DZIP3: variants seen among roughly 807,000 people sequenced by gnomAD.
The protein encoded by DZIP3 is E3 ubiquitin-protein ligase DZIP3.
Under a neutral mutation model 162.0 loss-of-function variants are expected in DZIP3, and 118 were observed. The ratio of observed to expected loss-of-function variants is 0.73; its 90% CI spans 0.63 to 0.85. The LOEUF is 0.85. Among genes scored for constraint, DZIP3 ranks in the 40% least tolerant of loss-of-function variants. DZIP3 has a pLI of 0.00. For missense variants in DZIP3, 1,331 were observed against 1,407.0 expected, an observed-to-expected ratio of 0.95 and a Z score of 0.86; for synonymous variants, 438 against 458.6, an observed-to-expected ratio of 0.96 and a Z score of 0.57.
chr3:108,605,245 G>C (rs1940271487), intron 1 of DZIP3, 90 bp from the exon 2 acceptor site: 1 of 964,084 alleles, frequency 1.0e-6, no homozygotes. Context: ...AGCAGTTTCA[G>C]ATTTTCTTCA....
rs761929070 is a variant in DZIP3 at position 108,661,934 on chromosome 3, C to T, written c.2257C>T (p.Arg753Cys). 9.9e-6 allele frequency: 16 copies of T among 1,613,760 alleles called. No homozygotes were observed. The Admixed American group carries it at 1.7e-4, about 17-fold the overall frequency. The change falls in exon 20 of 33, where the codon CGT becomes TGT. Residue 753 changes from arginine (R) to cysteine (C), a missense_variant. Arg to Cys is a radical substitution (Grantham distance 180, BLOSUM62 -3). Around this residue, in one of 2 missense-constraint regions of DZIP3, gnomAD observed 1,278 missense variants for 1,317.1 expected, o/e 0.97. Coordinates refer to ENST00000361582, the MANE Select transcript of DZIP3 (RefSeq NM_014648.4). ...YGETEKERLA[R>C]QRQLYKLHYQ... Reference sequence around the variant, plus strand: ...AGAAACTGAAAAGGAAAGGCTTGCTCGTCAAAGGCAGCTTTATAAATTGCA... The same window carrying T: ...AGAAACTGAAAAGGAAAGGCTTGCTTGTCAAAGGCAGCTTTATAAATTGCA...
intron 24 of DZIP3, among the ~76,000 whole-genome samples, chr3:108,675,370 A>G (rs984518279): frequency 2.0e-5 from 3 of 152,048 alleles, no homozygotes; most frequent in African/African-American, 7.2e-5. Flanking sequence ...TAGGCCAACC[A>G]TGGCTTTTTG....
chr3:108,653,252 CA>C (rs1053359071), intron 18 of DZIP3, among the ~76,000 whole-genome samples: 62 of 151,658 alleles, frequency 4.1e-4, no homozygotes, highest in African/African-American at 1.4e-3. Flanking sequence ...AATTATTCCA[CA>C]AGCATTAATT....
intron 4 of DZIP3, among the ~76,000 whole-genome samples, chr3:108,612,767 T>G (rs1316116277): frequency 1.3e-5 from 2 of 152,162 alleles, no homozygotes; most frequent in Non-Finnish European, 2.9e-5. Flanking sequence ...TTAAAATTAT[T>G]GTATTCTTTC....
At position 108,669,729 on chromosome 3, in the gene DZIP3, A is replaced by G. The variant is rs1943852418; in HGVS notation, c.2472A>G (p.Lys824=). The G allele has an allele frequency of 6.2e-7, 1 of 1,611,336 alleles. No individual in the cohort carries two copies. The highest frequency in any genetic ancestry group is 1.3e-5 in the African/African-American group (1 of 74,900). The part of the protein sequence containing the change: ...HAKDNEIKNL[K]EQLSMKRSQW... ...AAGATAATGAAATCAAGAACCTTAA[A>G]GAGCAACTTTCTATGAAAAGGTACA... The change falls in exon 22 of 33, where the codon AAA becomes AAG. Residue 824 remains lysine, a synonymous_variant. Transcript: ENST00000361582.
chr3:108,597,528 T>A (rs754331851), intron 1 of DZIP3, among the ~76,000 whole-genome samples: 3 of 152,214 alleles, frequency 2.0e-5, no homozygotes, highest in Non-Finnish European at 4.4e-5. Context: ...TTACTATTTC[T>A]TGAAGACCTA....
rs1455006753 is a variant in DZIP3 at position 108,636,602 on chromosome 3, A to G, written c.919-14A>G. ...TTTTTTTCTATTTTTATTTTTTTCT[A>G]TTAATAAATTTAGAGTTTTAGTGGG... On this transcript the variant is annotated splice_polypyrimidine_tract_variant and intron_variant, in intron 10 of 32. Transcript: ENST00000361582. The G allele has an allele frequency of 3.3e-6, 5 of 1,493,088 alleles. No individual in the cohort carries two copies. The highest frequency in any genetic ancestry group is 4.8e-5 in the Admixed American group (2 of 42,096). The allele number at this position is 1,493,088 out of a possible 1,614,324, so 92.5% of individuals were successfully genotyped here. A position where few individuals can be genotyped will look rare whatever the true frequency, so the allele number is the denominator to read the frequency against.
chr3:108,613,457 A>G (rs1940833368), intron 4 of DZIP3, among the ~76,000 whole-genome samples: 2 of 152,220 alleles, frequency 1.3e-5, no homozygotes, highest in Admixed American at 1.3e-4. Flanking sequence ...TCTAGAAAAT[A>G]GAAGATAAGT....
At chr3:108,673,503 T>C (rs1182644086) in intron 23 of DZIP3, among the ~76,000 whole-genome samples, 1 of 152,006 alleles carries the variant, frequency 6.6e-6, no homozygotes, top group Non-Finnish European at 1.5e-5. Context: ...TCCAACAGTG[T>C]ATTTTAGTGA....
intron 28 of DZIP3, 30 bp from the exon 29 acceptor site, chr3:108,687,946 C>T: frequency 6.2e-7 from 1 of 1,612,762 alleles, no homozygotes; most frequent in Non-Finnish European, 8.5e-7. Context: ...AAAATCATTA[C>T]TGCCCTTTCC....
chr3:108,597,927 T>TTG (rs1939794564), intron 1 of DZIP3, among the ~76,000 whole-genome samples: 1 of 152,184 alleles, frequency 6.6e-6, no homozygotes, highest in South Asian at 2.1e-4. Flanking sequence ...TTAAAAATCT[T>TTG]TAACTTTGAG....
rs1328493598 is a variant in DZIP3 at position 108,611,288 on chromosome 3, A to G, written c.217A>G (p.Lys73Glu). 1.9e-6 allele frequency: 3 copies of G among 1,611,778 alleles called. No individual in the cohort carries two copies. In the African/African-American group the frequency reaches 4.0e-5, roughly 22 times the overall value. Residue 73 changes from lysine (K) to glutamate (E), a missense_variant, in exon 4 of 33, where the codon AAG becomes GAG. Lys to Glu is a moderately conservative substitution (Grantham distance 56). Around this residue, in one of 2 missense-constraint regions of DZIP3, gnomAD observed 1,278 missense variants for 1,317.1 expected, o/e 0.97. Coordinates refer to ENST00000361582, the MANE Select transcript of DZIP3 (RefSeq NM_014648.4). ...ACCAAAAGGTGTGGTTCCTCACATT[A>G]AGAAGTTCTTACAAGAAGATTTTTC... is the stretch of plus-strand genomic sequence containing the variant. ...TLPKGVVPHI[K>E]KFLQEDFSFQ... is the part of the protein sequence containing the mutation.
intron 24 of DZIP3, 146 bp downstream of exon 24, chr3:108,674,327 A>T: frequency 3.4e-5 from 21 of 620,678 alleles, no homozygotes; most frequent in East Asian, 1.2e-4. Flanking sequence ...GTTTTTTTTC[A>T]TTTTTTTCCC....
chr3:108,650,624 G>C (rs1942820958), intron 17 of DZIP3, among the ~76,000 whole-genome samples: 1 of 151,164 alleles, frequency 6.6e-6, no homozygotes. Context: ...TTCAAATTGT[G>C]ATCTTCTTAA....
At chr3:108,686,005 A>T (rs1259759839) in intron 27 of DZIP3, among the ~76,000 whole-genome samples, 1 of 152,144 alleles carries the variant, frequency 6.6e-6, no homozygotes, top group Non-Finnish European at 1.5e-5. Flanking sequence ...TATTTTTAAA[A>T]ACTTGATTAG....
At chr3:108,678,518 T>C (rs2107383145) in intron 26 of DZIP3, among the ~76,000 whole-genome samples, 1 of 152,204 alleles carries the variant, frequency 6.6e-6, no homozygotes, top group Non-Finnish European at 1.5e-5. Flanking sequence ...TGTGAAGTTT[T>C]ATATTCTATT....
chr3:108,598,831 G>T (rs1051325886), intron 1 of DZIP3, among the ~76,000 whole-genome samples: 2 of 152,136 alleles, frequency 1.3e-5, no homozygotes, highest in African/African-American at 4.8e-5. Context: ...GTGGTTTCTA[G>T]CTACGTTTCT....
intron 7 of DZIP3, 51 bp from the exon 8 acceptor site, chr3:108,629,011 T>C: frequency 9.1e-7 from 1 of 1,098,786 alleles, no homozygotes; most frequent in East Asian, 2.7e-5. Flanking sequence ...TGGTAAACCA[T>C]GCATCTACAC....
chr3:108,623,891 A>G lies in DZIP3; in HGVS notation c.376-553A>G, dbSNP rs547461108. 3.1e-4 allele frequency among the ~76,000 whole-genome samples: 47 copies of G among 152,318 alleles called. No homozygotes were observed. The East Asian group carries it at 8.1e-3, about 26-fold the overall frequency. The stretch of plus-strand genomic sequence containing the variant: ...GATCACTGACTGAGTTCTGCTCAGT[A>G]TGGCTTTCTGATGTGACGGGGCAGC... On this transcript the variant is annotated intron_variant, in intron 5 of 32. Transcript: ENST00000361582.
Sources: gnomAD v4.1 joint callset for allele counts (sites outside exome capture counted in the v4.1 genomes callset) on GRCh38, gnomAD v4.1.1 for gene constraint, gnomAD v4.1.1 regional missense constraint, MANE v1.5 for transcripts, NCBI Gene and HGNC (gene_info 2026-07-23, HGNC 2026-07-21) for gene names.